MOK: variants seen among roughly 807,000 people sequenced by gnomAD.
MOK encodes MAPK/MAK/MRK overlapping kinase.
Under a neutral mutation model 54.2 loss-of-function variants are expected in MOK, and 59 were observed. That is an observed-to-expected ratio of 1.09 (90% CI 0.88 to 1.35). The LOEUF is 1.35. MOK is among the 40% of genes most tolerant of loss of function. The pLI is 0.00. For synonymous variants in MOK, 210 were observed against 202.7 expected, an observed-to-expected ratio of 1.04 and a Z score of -0.31; for missense variants, 517 against 526.2, an observed-to-expected ratio of 0.98 and a Z score of 0.17.
chr14:102,304,278 A>G (rs2072542270), intron 1 of MOK, among the ~76,000 whole-genome samples: 1 of 152,224 alleles, frequency 6.6e-6, no homozygotes, highest in Non-Finnish European at 1.5e-5. Flanking sequence ...AGTAATAATA[A>G]TTTTAAAAAC....
At chr14:102,224,893 A>T (rs2064179272), downstream of MOK, 1 of 431,758 alleles carries the variant, frequency 2.3e-6, no homozygotes, top group East Asian at 7.0e-5. Flanking sequence ...TCTGTATTAA[A>T]ATAAGATATT....
chr14:102,237,982 G>A (rs955779422), intron 7 of MOK: 1 of 152,070 alleles, frequency 6.6e-6, no homozygotes, highest in East Asian at 1.9e-4. Context: ...TCCTGAATTC[G>A]GTCTTGCCAA....
intron 1 of MOK, among the ~76,000 whole-genome samples, chr14:102,289,148 G>A (rs1567234276): frequency 2.6e-5 from 4 of 151,926 alleles, no homozygotes; most frequent in Admixed American, 6.6e-5. Context: ...CAAGTGATCC[G>A]CCCGTCTTGG....
At position 102,233,713 on chromosome 14, in the gene MOK, G is replaced by A; in HGVS notation, c.667C>T (p.Gln223Ter). The A allele has an allele frequency of 2.5e-6, 4 of 1,613,838 alleles. No individual in the cohort carries two copies. The highest frequency in any genetic ancestry group is 3.4e-6 in the Non-Finnish European group (4 of 1,179,734). ...TGTTTGAACTTGGTGAGGATCTTCT[G>A]AGCGGGTGTGCCGATGACATCGTGG... ...KIHDVIGTPA[Q>*]KILTKFKQSR... The change falls in exon 8 of 12, where the codon CAG becomes TAG. Residue 223 changes from glutamine to a stop codon, truncating the protein, a stop_gained. Coordinates refer to ENST00000361847, the MANE Select transcript of MOK (RefSeq NM_014226.3). LOFTEE classifies it high-confidence loss of function.
downstream of MOK, chr14:102,222,966 G>A (rs989422202): frequency 7.0e-5 from 109 of 1,557,754 alleles, no homozygotes; most frequent in Admixed American, 1.2e-4. This position sits in a 1 kb window ranked among gnomAD's most constrained non-coding sequence, Gnocchi z 4.4. Context: ...CGCCTGAGCC[G>A]TGCCAGCCGG....
In MOK at chr14:102,231,605, C is replaced by T. The variant is rs557366356; in HGVS notation, c.981+102G>A. 7.9e-5 allele frequency: 77 copies of T among 973,516 alleles called. No individual in the cohort carries two copies. In the South Asian group the frequency reaches 1.1e-3, roughly 14 times the overall value. 60.3% of individuals were successfully genotyped at this position (973,516 alleles called of 1,614,324 possible). ...CCTCGACTGACAATGTGGTCTGCCA[C>T]AGCCTCCACAGGTGGCGTCCTCCTG... is the stretch of plus-strand genomic sequence containing the variant. On this transcript the variant is annotated intron_variant, in intron 10 of 11. Coordinates refer to ENST00000361847, the MANE Select transcript of MOK (RefSeq NM_014226.3). This position sits in a 1 kb window ranked among gnomAD's most constrained non-coding sequence, Gnocchi z 4.4.
At chr14:102,299,785 T>C (rs965190155) in intron 1 of MOK, among the ~76,000 whole-genome samples, 7 of 152,122 alleles carry the variant, frequency 4.6e-5, no homozygotes, top group African/African-American at 1.7e-4. Flanking sequence ...AGTCTCGTCA[T>C]GTTGCCCAGG....
chr14:102,300,182 G>T (rs1285976673), intron 1 of MOK, among the ~76,000 whole-genome samples: 1 of 152,048 alleles, frequency 6.6e-6, no homozygotes, highest in African/African-American at 2.4e-5. Flanking sequence ...AACTTAGCCA[G>T]GTATGTTGGC....
chr14:102,287,921 G>A (rs532855704), intron 1 of MOK, among the ~76,000 whole-genome samples: 7 of 146,184 alleles, frequency 4.8e-5, no homozygotes, highest in South Asian at 2.2e-4. Context: ...CAAGCTCTCC[G>A]CTTCCCGGGT....
At chr14:102,285,391 C>T (rs1292960234) in intron 1 of MOK, among the ~76,000 whole-genome samples, 1 of 152,138 alleles carries the variant, frequency 6.6e-6, no homozygotes, top group Non-Finnish European at 1.5e-5. Flanking sequence ...TTCAAAACTG[C>T]AGCGCTGAAG....
intron 2 of MOK, among the ~76,000 whole-genome samples, chr14:102,281,702 C>T (rs1235468304): frequency 6.6e-6 from 1 of 151,950 alleles, no homozygotes; most frequent in African/African-American, 2.4e-5. Context: ...GCCTCAGCCT[C>T]CCAAGTAGCT....
At chr14:102,297,527 G>A (rs551195647) in intron 1 of MOK, among the ~76,000 whole-genome samples, 11 of 152,364 alleles carry the variant, frequency 7.2e-5, no homozygotes, top group African/African-American at 1.4e-4. Flanking sequence ...GCTGGCTCTC[G>A]GCACCTCCTC....
chr14:102,250,985 A>T lies in MOK; in HGVS notation c.417T>A (p.Asp139Glu). Reference protein sequence around the residue: ...VKPENILIKQDVLKLGDFGSC... With the variant: ...VKPENILIKQEVLKLGDFGSC... ...AGCCAAAGTCCCCTAATTTCAGGACATCCTGCTGGAAGGGGAAAGAAGCAA... is the reference window on the plus strand; with the variant it reads ...AGCCAAAGTCCCCTAATTTCAGGACTTCCTGCTGGAAGGGGAAAGAAGCAA... Residue 139 changes from aspartate (D) to glutamate (E), a missense_variant, in exon 7 of 12, where the codon GAT (aspartate) becomes GAA (glutamate). Physicochemically the swap from Asp to Glu is conservative, Grantham distance 45. Coordinates refer to ENST00000361847, the MANE Select transcript of MOK (RefSeq NM_014226.3). The T allele has an allele frequency of 1.2e-6, 2 of 1,613,986 alleles. No individual in the cohort carries two copies. The highest frequency in any genetic ancestry group is 1.7e-6 in the Non-Finnish European group (2 of 1,179,944).
rs201737833 is a variant in MOK at position 102,269,124 on chromosome 14, T to TA, written c.123-3213dup. 4.6e-3 allele frequency among the ~76,000 whole-genome samples: 701 copies of TA among 151,336 alleles called. 6 individuals carry two copies. The highest frequency in any genetic ancestry group is 0.016 in the African/African-American group (650 of 41,324). On this transcript the variant is annotated intron_variant, in intron 2 of 11. Coordinates refer to ENST00000361847, the MANE Select transcript of MOK (RefSeq NM_014226.3). ...ACTACTACTTATGATTTCATGATGA[T>TA]AAAAAAAGAGTCAATACATTAGGAA...
At chr14:102,300,177 A>G (rs1436324013) in intron 1 of MOK, among the ~76,000 whole-genome samples, 1 of 152,066 alleles carries the variant, frequency 6.6e-6, no homozygotes, top group Non-Finnish European at 1.5e-5. Flanking sequence ...TACAAAACTT[A>G]GCCAGGTATG....
At chr14:102,302,007 G>A (rs757154575) in intron 1 of MOK, among the ~76,000 whole-genome samples, 39 of 148,842 alleles carry the variant, frequency 2.6e-4, no homozygotes, top group Non-Finnish European at 3.9e-4. Context: ...CAACCTCGGC[G>A]TCCCGAAGTG....
intron 7 of MOK, among the ~76,000 whole-genome samples, chr14:102,244,119 C>T (rs1351008410): frequency 6.6e-6 from 1 of 152,200 alleles, no homozygotes; most frequent in African/African-American, 2.4e-5. Context: ...TTCTCAAGGT[C>T]GCTTTACTTC....
Position 102,229,571 on chromosome 14 carries a change from T to C in MOK, c.1068A>G (p.Gly356=). 6.2e-7 allele frequency: 1 copy of C among 1,614,164 alleles called. No homozygotes were observed. Among genetic ancestry groups the C allele is most frequent in the East Asian group, 2.2e-5 (1 of 44,876 alleles). The change falls in exon 11 of 12, where the codon GGA becomes GGG. Residue 356 remains glycine, a synonymous_variant. Coordinates refer to ENST00000361847, the MANE Select transcript of MOK (RefSeq NM_014226.3). The part of the protein sequence containing the change: ...VMELPKLKLS[G]VVRLSSYSSP... ...TGGAGTAAGACGACAGTCTGACCAC[T>C]CCCGAAAGCTTTAGTTTGGGCAGTT... is the stretch of plus-strand genomic sequence containing the variant.
chr14:102,226,010 C>G, downstream of MOK: 1 of 418,380 alleles, frequency 2.4e-6, no homozygotes, highest in Non-Finnish European at 4.3e-6. This position sits in a 1 kb window ranked among gnomAD's most constrained non-coding sequence, Gnocchi z 4.8. Flanking sequence ...AGGGGTGGGT[C>G]TAGCTGGACT....
Sources: allele counts gnomAD v4.1 joint callset (sites outside exome capture counted in the v4.1 genomes callset), GRCh38; gene constraint gnomAD v4.1.1; non-coding constraint Gnocchi (gnomAD v3.1); transcripts MANE v1.5; gene names NCBI Gene and HGNC (gene_info 2026-07-23, HGNC 2026-07-21).